The following EYS variants were observed in gnomAD, a reference collection of about 807,000 sequenced individuals.
The protein encoded by EYS is protein eyes shut homolog.
A neutral mutation model predicts 282.1 loss-of-function variants in EYS; 250 were observed. The observed-to-expected ratio is 0.89, with a 90% CI of 0.80 to 0.98. The LOEUF (loss-of-function observed/expected upper bound fraction) is 0.98, where lower values mean the gene tolerates loss of function less well. EYS is among the 50% of genes least tolerant of loss of function. The probability of loss-of-function intolerance (pLI) is 0.00; values close to 1 mark genes in which losing one functional copy is unlikely to be tolerated. For synonymous variants in EYS, 1,355 were observed against 1,282.9 expected (o/e 1.06, Z -1.20); for missense variants, 4,016 against 3,709.0 (o/e 1.08, Z -2.15).
intron 15 of EYS, among the ~76,000 whole-genome samples, chr6:64,918,322 G>A (rs1399258399): frequency 6.6e-6 from 1 of 152,150 alleles, no homozygotes; most frequent in Non-Finnish European, 1.5e-5. Flanking sequence ...AAATGAAAGT[G>A]AGGAGGTAGC....
In EYS at chr6:64,227,527, T is replaced by G. The variant is rs113793079; in HGVS notation, c.6424+3065A>C. Among the ~76,000 whole-genome samples, 373 of 152,190 alleles carry G rather than the reference T, an allele frequency of 2.5e-3. 1 individual carries two copies. Among genetic ancestry groups the G allele is most frequent in the African/African-American group, 3.7e-3 (155 of 41,550 alleles). On this transcript the variant is annotated intron_variant, in intron 31 of 42. Coordinates refer to ENST00000503581, the MANE Select transcript of EYS (RefSeq NM_001142800.2). ...ATTACTTCTAATCCCATTTCTACCA[T>G]GTACAGACTGTGTGACCTTGACAAA...
chr6:64,160,513 T>C (rs1177025435), intron 31 of EYS, among the ~76,000 whole-genome samples: 1 of 152,180 alleles, frequency 6.6e-6, no homozygotes, highest in Non-Finnish European at 1.5e-5. Flanking sequence ...GCCTCTTCTG[T>C]AGTAGGATAA....
intron 12 of EYS, among the ~76,000 whole-genome samples, chr6:65,280,143 C>T (rs1768176252): frequency 6.6e-6 from 1 of 152,096 alleles, no homozygotes; most frequent in Admixed American, 6.5e-5. Flanking sequence ...TAACTGACTT[C>T]CCCTACCTAC....
At chr6:64,226,662 A>G (rs1232413390) in intron 31 of EYS, among the ~76,000 whole-genome samples, 1 of 152,128 alleles carries the variant, frequency 6.6e-6, no homozygotes, top group Non-Finnish European at 1.5e-5. Context: ...TAAAGTAGGC[A>G]ACAAGGTTTA....
At chr6:63,907,449 T>A (rs1423778186) in intron 35 of EYS, among the ~76,000 whole-genome samples, 1 of 152,172 alleles carries the variant, frequency 6.6e-6, no homozygotes, top group Non-Finnish European at 1.5e-5. Flanking sequence ...TCAATTTTTG[T>A]CTCCTTTTCC....
chr6:64,992,106 A>C (rs921223787), intron 14 of EYS, among the ~76,000 whole-genome samples: 1 of 151,900 alleles, frequency 6.6e-6, no homozygotes, highest in African/African-American at 2.4e-5. Context: ...CTATTTTAGA[A>C]CAATTGAGTC....
intron 11 of EYS, among the ~76,000 whole-genome samples, chr6:65,311,119 A>T (rs1001313630): frequency 4.6e-5 from 7 of 152,148 alleles, no homozygotes; most frequent in South Asian, 2.1e-4. Context: ...ACTACACTTG[A>T]TCTTAGCCAA....
At chr6:64,046,433 G>A (rs1309623673) in intron 33 of EYS, among the ~76,000 whole-genome samples, 2 of 152,114 alleles carry the variant, frequency 1.3e-5, no homozygotes, top group African/African-American at 4.8e-5. Context: ...TCATCTTTAT[G>A]AGCATCTTGC....
chr6:64,922,645 G>C (rs1417893748), intron 15 of EYS, among the ~76,000 whole-genome samples: 2 of 152,228 alleles, frequency 1.3e-5, no homozygotes, highest in South Asian at 4.2e-4. Context: ...GTATTCACTG[G>C]CCCTTTTGTT....
At chr6:64,937,811 T>C (rs1768958972) in intron 15 of EYS, among the ~76,000 whole-genome samples, 1 of 151,642 alleles carries the variant, frequency 6.6e-6, no homozygotes, top group Non-Finnish European at 1.5e-5. Context: ...AAAATATATG[T>C]CTGGACATGT....
chr6:65,061,525 T>G (rs9363330), intron 12 of EYS, among the ~76,000 whole-genome samples: 6,926 of 151,974 alleles, frequency 0.046, 212 homozygotes, highest in Middle Eastern at 0.068. Context: ...TGACAACTGA[T>G]GAACGTACAT....
intron 13 of EYS, among the ~76,000 whole-genome samples, chr6:65,053,327 T>C (rs1400583524): frequency 1.3e-5 from 2 of 151,814 alleles, no homozygotes; most frequent in Non-Finnish European, 2.9e-5. Flanking sequence ...TGCTAAACAG[T>C]CACTGTACAT....
At chr6:65,362,624 G>A (rs1764754662) in intron 8 of EYS, among the ~76,000 whole-genome samples, 1 of 151,552 alleles carries the variant, frequency 6.6e-6, no homozygotes, top group South Asian at 2.1e-4. Context: ...TATATGTAAT[G>A]TATATGCATG....
chr6:63,759,546 A>G (rs1007941480), intron 41 of EYS, among the ~76,000 whole-genome samples: 2 of 152,168 alleles, frequency 1.3e-5, no homozygotes, highest in Admixed American at 1.3e-4. Flanking sequence ...CCTAGGAATC[A>G]TAGCCAGTGC....
At chr6:64,706,825 T>C (rs894793906) in intron 22 of EYS, among the ~76,000 whole-genome samples, 1 of 151,888 alleles carries the variant, frequency 6.6e-6, no homozygotes. Context: ...TACATCTTGG[T>C]GGGGATGTGG....
At chr6:63,857,370 A>G (rs1228605524) in intron 36 of EYS, 1 of 154,836 alleles carries the variant, frequency 6.5e-6, no homozygotes, top group Non-Finnish European at 1.4e-5. Flanking sequence ...GAGGATAGGA[A>G]ACTTAGCTGG....
chr6:65,402,459 A>C lies in EYS; in HGVS notation c.1184+19T>G, dbSNP rs750976644. 1 of 1,437,654 alleles carries C rather than the reference A, an allele frequency of 7.0e-7. No individual in the cohort carries two copies. Among genetic ancestry groups the C allele is most frequent in the East Asian group, 2.3e-5 (1 of 43,636 alleles). The allele number at this position is 1,437,654 out of a possible 1,614,324, so 89.1% of individuals were successfully genotyped here. A position where few individuals can be genotyped will look rare whatever the true frequency, so the allele number is the denominator to read the frequency against. ...ATCCATGTACTTTGTATTAAAAATAAACAGAAAATTAATTATACCTGCAAG... is the reference window on the plus strand; with the variant it reads ...ATCCATGTACTTTGTATTAAAAATACACAGAAAATTAATTATACCTGCAAG... On this transcript the variant is annotated intron_variant, in intron 7 of 42. Coordinates refer to ENST00000503581, the MANE Select transcript of EYS (RefSeq NM_001142800.2).
chr6:64,538,826 T>C (rs1764608331), intron 26 of EYS, among the ~76,000 whole-genome samples: 1 of 152,212 alleles, frequency 6.6e-6, no homozygotes, highest in African/African-American at 2.4e-5. Flanking sequence ...AAATGGCTAG[T>C]AAGCGTAGAA....
intron 26 of EYS, among the ~76,000 whole-genome samples, chr6:64,507,411 A>C (rs2150516385): frequency 6.6e-6 from 1 of 150,820 alleles, no homozygotes; most frequent in South Asian, 2.1e-4. Flanking sequence ...TAAATAACTC[A>C]ACAACATTTA....
Sources: gnomAD v4.1 joint callset for allele counts (sites outside exome capture counted in the v4.1 genomes callset) on GRCh38, gnomAD v4.1.1 for gene constraint, MANE v1.5 for transcripts, NCBI Gene and HGNC (gene_info 2026-07-23, HGNC 2026-07-21) for gene names.